The following HS3ST4 variants were observed in gnomAD, a reference collection of about 807,000 sequenced individuals.
HS3ST4 encodes heparan sulfate-glucosamine 3-sulfotransferase 4, also known as heparan sulfate glucosamine 3-O-sulfotransferase 4.
A neutral mutation model predicts 29.2 loss-of-function variants in HS3ST4; 17 were observed. The observed-to-expected ratio is 0.58, with a 90% CI of 0.40 to 0.87. The LOEUF is 0.87. Ranked by LOEUF, HS3ST4 falls within the 40% of genes least tolerant of loss-of-function variation. The probability of loss-of-function intolerance (pLI) is 0.00; values close to 1 mark genes in which losing one functional copy is unlikely to be tolerated. For missense variants in HS3ST4, 627 were observed against 634.5 expected (o/e 0.99, Z 0.13); for synonymous variants, 314 against 285.7 (o/e 1.10, Z -1.00).
intron 1 of HS3ST4, among the ~76,000 whole-genome samples, chr16:25,737,758 A>G (rs1344623586): frequency 6.6e-6 from 1 of 152,156 alleles, no homozygotes; most frequent in Non-Finnish European, 1.5e-5. Flanking sequence ...CAATGTATAC[A>G]TTTTAGGATA....
chr16:25,797,565 G>T (rs1030599576), intron 1 of HS3ST4, among the ~76,000 whole-genome samples: 2 of 152,116 alleles, frequency 1.3e-5, no homozygotes, highest in Non-Finnish European at 2.9e-5. Context: ...TATCATTGTT[G>T]TTGCTATTGT....
chr16:25,739,452 G>C (rs1018649671), intron 1 of HS3ST4, among the ~76,000 whole-genome samples: 1 of 152,158 alleles, frequency 6.6e-6, no homozygotes, highest in Non-Finnish European at 1.5e-5. Flanking sequence ...TGGTTACATG[G>C]CAGTTTCTAT....
chr16:26,092,275 C>G (rs549872520), intron 1 of HS3ST4, among the ~76,000 whole-genome samples: 1 of 152,326 alleles, frequency 6.6e-6, no homozygotes, highest in East Asian at 1.9e-4. Context: ...GCCTTCTCCA[C>G]AGGACAATCC....
chr16:25,762,119 G>A (rs1275387103), intron 1 of HS3ST4, among the ~76,000 whole-genome samples: 3 of 152,212 alleles, frequency 2.0e-5, no homozygotes, highest in Non-Finnish European at 4.4e-5. Flanking sequence ...GAAGCCATAA[G>A]AGGATGTAAC....
intron 1 of HS3ST4, among the ~76,000 whole-genome samples, chr16:25,954,510 A>G (rs1386595103): frequency 6.6e-6 from 1 of 152,212 alleles, no homozygotes; most frequent in Non-Finnish European, 1.5e-5. Context: ...CAACAAAAGA[A>G]CAAAACATAA....
chr16:26,090,306 C>T (rs2141788882), intron 1 of HS3ST4, among the ~76,000 whole-genome samples: 1 of 152,012 alleles, frequency 6.6e-6, no homozygotes. Context: ...TGAAATCTCT[C>T]TGCATTGGGA....
chr16:25,810,913 A>G (rs1053916159), intron 1 of HS3ST4, among the ~76,000 whole-genome samples: 1 of 152,100 alleles, frequency 6.6e-6, no homozygotes, highest in Non-Finnish European at 1.5e-5. Context: ...ACTCAGGAGA[A>G]AAAAAATGGA....
chr16:26,090,746 G>A (rs1380073019), intron 1 of HS3ST4, among the ~76,000 whole-genome samples: 1 of 152,144 alleles, frequency 6.6e-6, no homozygotes, highest in East Asian at 1.9e-4. Flanking sequence ...CCACAACAAA[G>A]AAAATTGGTA....
rs140277338 is a variant in HS3ST4 at position 25,753,710 on chromosome 16, A to G, written c.734+60559A>G. 1.1e-4 allele frequency among the ~76,000 whole-genome samples: 16 copies of G among 152,292 alleles called. No homozygotes were observed. The East Asian group carries it at 3.1e-3, about 29-fold the overall frequency. ...ACAATGGTAACATACAGTTTCCTGC[A>G]TCTTAATAAGGAAAGGAGATTTCTT... On this transcript the variant is annotated intron_variant, in intron 1 of 1. Transcript: ENST00000331351.
chr16:26,088,515 T>C (rs956568895), intron 1 of HS3ST4, among the ~76,000 whole-genome samples: 3 of 152,192 alleles, frequency 2.0e-5, no homozygotes, highest in African/African-American at 7.2e-5. Context: ...TTGATTGTGA[T>C]AGTGGCTGGT....
chr16:25,840,867 A>T (rs150312403), intron 1 of HS3ST4, among the ~76,000 whole-genome samples: 1 of 152,318 alleles, frequency 6.6e-6, no homozygotes, highest in African/African-American at 2.4e-5. Context: ...GCCAAACCCA[A>T]TCCATGGGCC....
chr16:25,848,084 T>TCATC (rs1967483397), intron 1 of HS3ST4, among the ~76,000 whole-genome samples: 1 of 152,306 alleles, frequency 6.6e-6, no homozygotes, highest in African/African-American at 2.4e-5. Flanking sequence ...TCAGTAGAAC[T>TCATC]CATCCATAAA....
intron 1 of HS3ST4, among the ~76,000 whole-genome samples, chr16:26,017,091 A>G (rs1044578870): frequency 1.3e-5 from 2 of 152,226 alleles, no homozygotes; most frequent in African/African-American, 4.8e-5. Context: ...CGAACAATAA[A>G]CAAACACTTG....
rs189907613 is a variant in HS3ST4 at position 25,722,113 on chromosome 16, C to T, written c.734+28962C>T. ...GAAACTTCCATTTGTTAGATAACTG[C>T]CTGAAGGATTCTACTGGGAGTGGGT... On this transcript the variant is annotated intron_variant, in intron 1 of 1. Transcript: ENST00000331351. 3.3e-5 allele frequency among the ~76,000 whole-genome samples: 5 copies of T among 152,276 alleles called. No individual in the cohort carries two copies. In the East Asian group the frequency reaches 9.7e-4, roughly 29 times the overall value.
chr16:25,700,909 CA>C, intron 1 of HS3ST4, among the ~76,000 whole-genome samples: 1 of 152,152 alleles, frequency 6.6e-6, no homozygotes, highest in Middle Eastern at 3.4e-3. Flanking sequence ...TAAGAATATA[CA>C]AGGAAACAAA....
chr16:25,879,450 G>A (rs191344048), intron 1 of HS3ST4, among the ~76,000 whole-genome samples: 99 of 152,202 alleles, frequency 6.5e-4, no homozygotes, highest in African/African-American at 1.2e-3. Context: ...TGAAAGGCAC[G>A]TCTCGCATGG....
rs565856324 is a variant in HS3ST4 at position 25,936,034 on chromosome 16, A to C, written c.735-199578A>C. 1.8e-3 allele frequency among the ~76,000 whole-genome samples: 276 copies of C among 152,246 alleles called. 2 individuals carry two copies. Among genetic ancestry groups the C allele is most frequent in the Admixed American group, 4.1e-3 (63 of 15,284 alleles). ...CCATCCTCTTATCTTGGCCTCCAAA[A>C]GTGCTGGGATTACAGGCATGAGCCA... On this transcript the variant is annotated intron_variant, in intron 1 of 1. Coordinates refer to ENST00000331351, the MANE Select transcript of HS3ST4 (RefSeq NM_006040.3).
intron 1 of HS3ST4, among the ~76,000 whole-genome samples, chr16:25,808,844 C>G (rs1967014975): frequency 6.6e-6 from 1 of 151,946 alleles, no homozygotes; most frequent in East Asian, 1.9e-4. Flanking sequence ...AAGCTTATAA[C>G]TATTTTATTT....
chr16:26,122,231 A>G (rs1292415667), intron 1 of HS3ST4, among the ~76,000 whole-genome samples: 2 of 152,154 alleles, frequency 1.3e-5, no homozygotes, highest in East Asian at 3.9e-4. Context: ...GCATACACAC[A>G]CATGCGTGGC....
Sources: gnomAD v4.1 joint callset for allele counts (sites outside exome capture counted in the v4.1 genomes callset) on GRCh38, gnomAD v4.1.1 for gene constraint, MANE v1.5 for transcripts, NCBI Gene and HGNC (gene_info 2026-07-23, HGNC 2026-07-21) for gene names.